Variants in PRIM2 observed in about 807,000 individuals in gnomAD.
PRIM2 encodes DNA primase large subunit.
A neutral mutation model predicts 67.3 loss-of-function variants in PRIM2; 39 were observed. The observed-to-expected ratio is 0.58, with a 90% CI of 0.45 to 0.76. The LOEUF (loss-of-function observed/expected upper bound fraction) is 0.76, where lower values mean the gene tolerates loss of function less well. Ranked by LOEUF, PRIM2 falls within the 30% of genes least tolerant of loss-of-function variation. The pLI, the probability that PRIM2 is intolerant of heterozygous loss-of-function variation, is 0.00. For synonymous variants in PRIM2, 143 were observed against 198.7 expected (o/e 0.72, Z 2.36); for missense variants, 398 against 598.7 (o/e 0.66, Z 3.50).
At chr6:57,381,033 C>T (rs1769942210) in intron 6 of PRIM2, among the ~76,000 whole-genome samples, 2 of 151,724 alleles carry the variant, frequency 1.3e-5, no homozygotes, top group Non-Finnish European at 1.5e-5. Flanking sequence ...TGTTTCTTCC[C>T]TATATTATTG....
At chr6:57,546,705 A>G (rs1325220660) in intron 10 of PRIM2, among the ~76,000 whole-genome samples, 4 of 152,118 alleles carry the variant, frequency 2.6e-5, no homozygotes, top group Admixed American at 6.5e-5. Context: ...CCTTCTCAGT[A>G]TATTTGAATA....
rs1384201652 is a variant in PRIM2 at position 57,543,122 on chromosome 6, G to A, written c.1020+5497G>A. Among the ~76,000 whole-genome samples the A allele has an allele frequency of 9.0e-4, 134 of 149,286 alleles. 1 individual carries two copies. The highest frequency in any genetic ancestry group is 2.8e-4 in the Non-Finnish European group (19 of 67,476). On this transcript the variant is annotated intron_variant, in intron 10 of 13. Transcript: ENST00000615550. ...GCCCGGCTAAGTTTTTGTATTTTTAGTAGAGACGGGGTTTCACCGTGTTAG... is the reference window on the plus strand; with the variant it reads ...GCCCGGCTAAGTTTTTGTATTTTTAATAGAGACGGGGTTTCACCGTGTTAG...
chr6:57,388,801 G>A (rs1488927560), intron 7 of PRIM2, among the ~76,000 whole-genome samples: 1 of 152,124 alleles, frequency 6.6e-6, no homozygotes, highest in Admixed American at 6.5e-5. Context: ...TTCTGACCAC[G>A]TTAAGTAGAA....
chr6:57,259,162 T>C, the PRIM2 span, among the ~76,000 whole-genome samples: 1 of 152,198 alleles, frequency 6.6e-6, no homozygotes, highest in African/African-American at 2.4e-5. Flanking sequence ...CAGAAGTACA[T>C]GGCACTGAAA....
At chr6:57,569,065 G>A (rs1365048087) in intron 10 of PRIM2, among the ~76,000 whole-genome samples, 59 of 152,244 alleles carry the variant, frequency 3.9e-4, no homozygotes, top group African/African-American at 1.4e-3. Flanking sequence ...AGGGAGTACA[G>A]TGATGATTAT....
At chr6:57,559,135 G>GAAAA (rs1260639270) in intron 10 of PRIM2, among the ~76,000 whole-genome samples, 1 of 123,170 alleles carries the variant, frequency 8.1e-6, no homozygotes, top group Non-Finnish European at 1.8e-5. Context: ...GCGTCTTAAA[G>GAAAA]AAAAAAAAAA....
chr6:57,257,281 T>G, the PRIM2 span, among the ~76,000 whole-genome samples: 4 of 151,876 alleles, frequency 2.6e-5, no homozygotes, highest in Non-Finnish European at 4.4e-5. Flanking sequence ...TTTTTTTTTT[T>G]TTTTTGTGAG....
Position 57,457,108 on chromosome 6 carries a change from T to C in PRIM2, c.694-50279T>C, listed in dbSNP as rs1382207687. Among the ~76,000 whole-genome samples, 38 of 150,268 alleles carry C rather than the reference T, an allele frequency of 2.5e-4. 1 individual carries two copies. Among genetic ancestry groups the C allele is most frequent in the African/African-American group, 8.3e-4 (34 of 40,774 alleles). On this transcript the variant is annotated intron_variant, in intron 7 of 13. Coordinates refer to ENST00000615550, the MANE Select transcript of PRIM2 (RefSeq NM_000947.5). ...GCAGAAGCTGCAGAACAGCAGATAT[T>C]GGTGAGCAGCAAATGTTCCTGCCTG... is the stretch of plus-strand genomic sequence containing the variant.
chr6:57,291,833 G>T, the PRIM2 span, among the ~76,000 whole-genome samples: 1 of 152,144 alleles, frequency 6.6e-6, no homozygotes, highest in Non-Finnish European at 1.5e-5. Flanking sequence ...ACTAGGTATT[G>T]ATGGGACGTA....
the PRIM2 span, among the ~76,000 whole-genome samples, chr6:57,239,438 G>C: frequency 6.6e-6 from 1 of 151,804 alleles, no homozygotes; most frequent in African/African-American, 2.4e-5. Flanking sequence ...TTTATATTTT[G>C]TAAGAATTTG....
chr6:57,412,434 C>T (rs4448095), intron 7 of PRIM2, among the ~76,000 whole-genome samples: 1 of 152,034 alleles, frequency 6.6e-6, no homozygotes, highest in South Asian at 2.1e-4. Flanking sequence ...TTTTTATTTA[C>T]GATTTGTTTC....
intron 7 of PRIM2, among the ~76,000 whole-genome samples, chr6:57,451,643 A>C (rs1370201233): frequency 1.3e-5 from 2 of 152,184 alleles, no homozygotes; most frequent in African/African-American, 2.4e-5. Context: ...AAGCTGTAGC[A>C]GTGAAGGCAG....
chr6:57,426,372 A>G (rs1373478648), intron 7 of PRIM2, among the ~76,000 whole-genome samples: 2 of 152,230 alleles, frequency 1.3e-5, no homozygotes, highest in Non-Finnish European at 2.9e-5. Flanking sequence ...TCTTTTGCTC[A>G]GCCAGGTTTC....
At chr6:57,262,470 C>T in the PRIM2 span, among the ~76,000 whole-genome samples, 2 of 152,168 alleles carry the variant, frequency 1.3e-5, no homozygotes, top group African/African-American at 2.4e-5. Flanking sequence ...CAGTTGCCAT[C>T]GTCTTCTGCC....
intron 7 of PRIM2, among the ~76,000 whole-genome samples, chr6:57,483,857 T>C (rs1773684848): frequency 6.6e-6 from 1 of 152,214 alleles, no homozygotes. Flanking sequence ...TTCTTTGAAA[T>C]GTAAGGTTAC....
chr6:57,588,976 A>T (rs1231880314), intron 10 of PRIM2, among the ~76,000 whole-genome samples: 3 of 152,134 alleles, frequency 2.0e-5, no homozygotes, highest in African/African-American at 7.2e-5. Context: ...TGACCAATCA[A>T]TTTTAATGGG....
intron 7 of PRIM2, among the ~76,000 whole-genome samples, chr6:57,423,431 T>C (rs1771524594): frequency 6.6e-6 from 1 of 152,074 alleles, no homozygotes. Context: ...CAGTGCAAAA[T>C]ATAAGACAAC....
At chr6:57,584,099 C>A (rs1339216633) in intron 10 of PRIM2, among the ~76,000 whole-genome samples, 2 of 151,980 alleles carry the variant, frequency 1.3e-5, no homozygotes, top group Non-Finnish European at 2.9e-5. Flanking sequence ...TGCATTTGTA[C>A]TCAATTCCCC....
intron 13 of PRIM2, among the ~76,000 whole-genome samples, chr6:57,634,959 C>T (rs1162507088): frequency 1.3e-5 from 2 of 152,030 alleles, no homozygotes; most frequent in Non-Finnish European, 2.9e-5. Flanking sequence ...TGAATATCCT[C>T]CTTCATTTAT....
Sources: allele counts gnomAD v4.1 joint callset (sites outside exome capture counted in the v4.1 genomes callset), GRCh38; gene constraint gnomAD v4.1.1; transcripts MANE v1.5; gene names NCBI Gene and HGNC (gene_info 2026-07-23, HGNC 2026-07-21).